Variants in NRG1 observed in about 807,000 individuals in gnomAD.
The protein encoded by NRG1 is pro-neuregulin-1, membrane-bound isoform.
Under a neutral mutation model 63.8 loss-of-function variants are expected in NRG1, and 18 were observed. The ratio of observed to expected loss-of-function variants is 0.28; its 90% CI spans 0.19 to 0.42. The LOEUF (loss-of-function observed/expected upper bound fraction) is 0.42, where lower values mean the gene tolerates loss of function less well. NRG1 is among the 10% of genes least tolerant of loss of function. NRG1 has a pLI of 1.00. For missense variants in NRG1, 762 were observed against 814.7 expected, an observed-to-expected ratio of 0.94 and a Z score of 0.79; for synonymous variants, 302 against 301.3, an observed-to-expected ratio of 1.00 and a Z score of -0.02.
intron 1 of NRG1, among the ~76,000 whole-genome samples, chr8:31,836,571 AT>A (rs1171438629): frequency 2.0e-5 from 3 of 152,204 alleles, no homozygotes; most frequent in Non-Finnish European, 4.4e-5. Flanking sequence ...ACACATTCAT[AT>A]TTTTGCATTA....
At chr8:31,652,181 A>G (rs1804917159) in intron 1 of NRG1, among the ~76,000 whole-genome samples, 1 of 152,162 alleles carries the variant, frequency 6.6e-6, no homozygotes, top group South Asian at 2.1e-4. Context: ...TAGTTACCTC[A>G]AACCAGATAC....
intron 1 of NRG1, among the ~76,000 whole-genome samples, chr8:31,966,995 C>T (rs1287559567): frequency 1.3e-5 from 2 of 152,070 alleles, no homozygotes; most frequent in African/African-American, 2.4e-5. Context: ...ATTTTCACAG[C>T]ACATTGCTCT....
At position 32,189,328 on chromosome 8, in the gene NRG1, G is replaced by T. The variant is rs1421778166; in HGVS notation, c.38-406500G>T. Among the ~76,000 whole-genome samples, 11 of 152,192 alleles carry T rather than the reference G, an allele frequency of 7.2e-5. No homozygotes were observed. The East Asian group carries it at 1.9e-3, about 27-fold the overall frequency. ...AGCTCCCACTTATAAGTGAGAACGT[G>T]TAGTATTTGATTTTCTGTTTCTGTG... On this transcript the variant is annotated intron_variant, in intron 1 of 10. Coordinates refer to the NRG1 transcript ENST00000519301.
intron 1 of NRG1, among the ~76,000 whole-genome samples, chr8:32,064,764 G>A (rs961261257): frequency 6.6e-6 from 1 of 151,962 alleles, no homozygotes; most frequent in African/African-American, 2.4e-5. Flanking sequence ...TACTACCTTT[G>A]ACAGCTCTTA....
intron 1 of NRG1, among the ~76,000 whole-genome samples, chr8:31,818,725 G>A (rs997127122): frequency 2.6e-5 from 4 of 152,152 alleles, no homozygotes; most frequent in African/African-American, 9.7e-5. Flanking sequence ...ACCGGTACCA[G>A]TCAGTAAGCT....
chr8:32,693,300 C>G (rs1002140452), intron 5 of NRG1, among the ~76,000 whole-genome samples: 4 of 151,256 alleles, frequency 2.6e-5, no homozygotes, highest in Non-Finnish European at 5.9e-5. Flanking sequence ...CGCACTGCAA[C>G]CTCCGCCTTC....
chr8:31,925,706 A>G (rs1362998582), intron 1 of NRG1, among the ~76,000 whole-genome samples: 1 of 58,532 alleles, frequency 1.7e-5, no homozygotes, highest in East Asian at 2.3e-4. Flanking sequence ...TTTCTTATTA[A>G]TTAATCTTCT....
chr8:32,486,687 T>C (rs10105090), intron 1 of NRG1, among the ~76,000 whole-genome samples: 95,263 of 150,158 alleles, frequency 0.63, 30,513 homozygotes, highest in East Asian at 0.78. Flanking sequence ...TGCAGTGGCA[T>C]GACCTTGGCA....
intron 1 of NRG1, among the ~76,000 whole-genome samples, chr8:32,477,726 A>G (rs915672352): frequency 6.6e-5 from 10 of 152,216 alleles, no homozygotes; most frequent in Non-Finnish European, 8.8e-5. Context: ...ACTAAATCCA[A>G]AAATAGTATT....
At chr8:32,595,836 C>T (rs768095816) in exon 2 of NRG1, 1 of 1,607,600 alleles carries the variant, frequency 6.2e-7, no homozygotes, top group Non-Finnish European at 8.5e-7. Flanking sequence ...AGCCTTGCCT[C>T]CCCGATTGAA....
chr8:32,345,467 C>T (rs1804764290), intron 1 of NRG1, among the ~76,000 whole-genome samples: 1 of 152,184 alleles, frequency 6.6e-6, no homozygotes, highest in African/African-American at 2.4e-5. Context: ...GCCTCTGCTG[C>T]TGTGCAGAGC....
At chr8:32,586,461 G>A (rs1841636381) in intron 1 of NRG1, among the ~76,000 whole-genome samples, 1 of 152,064 alleles carries the variant, frequency 6.6e-6, no homozygotes, top group Non-Finnish European at 1.5e-5. Flanking sequence ...GAATTTTACA[G>A]TATTGTAAAT....
At chr8:32,533,161 T>A (rs1831627273) in intron 1 of NRG1, among the ~76,000 whole-genome samples, 1 of 152,018 alleles carries the variant, frequency 6.6e-6, no homozygotes, top group African/African-American at 2.4e-5. Flanking sequence ...AATGGTTATA[T>A]ACAAACAATA....
rs1266743694 is a variant in NRG1, at chr8:32,428,339, A to AT, written c.38-167487dup. The stretch of plus-strand genomic sequence containing the variant: ...TAGTAGCATTGTTTTATTTGAGTGA[A>AT]TTCTTTTTTTTTTTTTCTTCCTTAC... On this transcript the variant is annotated intron_variant, in intron 1 of 10. Transcript: ENST00000519301. Among the ~76,000 whole-genome samples the AT allele has an allele frequency of 1.6e-4, 10 of 63,254 alleles. No homozygotes were observed. The Admixed American group carries it at 1.7e-3, about 11-fold the overall frequency. 41.5% of individuals were successfully genotyped at this position (63,254 alleles called of 152,430 possible). A position where few individuals can be genotyped will look rare whatever the true frequency, so the allele number is the denominator to read the frequency against.
At position 32,136,256 on chromosome 8, in the gene NRG1, T is replaced by C. The variant is rs141182634; in HGVS notation, c.38-459572T>C. Among the ~76,000 whole-genome samples the C allele has an allele frequency of 2.5e-3, 387 of 152,292 alleles. 2 individuals are homozygous for C. The highest frequency in any genetic ancestry group is 8.9e-3 in the African/African-American group (370 of 41,574). The stretch of plus-strand genomic sequence containing the variant: ...AAAATATTCAGATTCCTTAAGCGCA[T>C]GGTTCCTCTCCTATAATACAAACCT... On this transcript the variant is annotated intron_variant, in intron 1 of 10. Transcript: ENST00000519301.
intron 5 of NRG1, among the ~76,000 whole-genome samples, chr8:32,663,761 G>A (rs1166155846): frequency 6.6e-6 from 1 of 152,108 alleles, no homozygotes; most frequent in Non-Finnish European, 1.5e-5. Context: ...ACAGGGTGAA[G>A]GCTCCTGTTG....
intron 1 of NRG1, among the ~76,000 whole-genome samples, chr8:32,428,393 A>G (rs1817687184): frequency 6.6e-6 from 1 of 152,068 alleles, no homozygotes; most frequent in Non-Finnish European, 1.5e-5. Context: ...CAGCCTGGAA[A>G]CAGTATCTGT....
intron 1 of NRG1, among the ~76,000 whole-genome samples, chr8:32,288,351 T>A (rs1441377934): frequency 6.6e-6 from 1 of 152,108 alleles, no homozygotes. Context: ...TTGGAGAAAA[T>A]TGTTGAGGCA....
chr8:32,338,842 A>G (rs1045781004), intron 1 of NRG1, among the ~76,000 whole-genome samples: 122 of 152,186 alleles, frequency 8.0e-4, no homozygotes, highest in African/African-American at 2.8e-3. Context: ...ATTTAAGCTT[A>G]TTATTGTCTT....
Sources: gnomAD v4.1 joint callset for allele counts (sites outside exome capture counted in the v4.1 genomes callset) on GRCh38, gnomAD v4.1.1 for gene constraint, MANE v1.5 for transcripts, NCBI Gene and HGNC (gene_info 2026-07-23, HGNC 2026-07-21) for gene names.